PSAT1: variants seen among roughly 807,000 people sequenced by gnomAD.
The protein encoded by PSAT1 is phosphoserine aminotransferase.
In PSAT1, 41 loss-of-function variants were observed where a neutral mutation model predicts 40.3. That is an observed-to-expected ratio of 1.02 (90% CI 0.79 to 1.32). PSAT1 has a LOEUF of 1.32. PSAT1 is among the 40% of genes most tolerant of loss of function. PSAT1 has a pLI of 0.00. For missense variants in PSAT1, 406 were observed against 455.8 expected (o/e 0.89, Z 0.99); for synonymous variants, 147 against 170.5 (o/e 0.86, Z 1.07).
In PSAT1 at chr9:78,310,920, G is replaced by A. The variant is rs142598611; in HGVS notation, c.740+2337G>A. Among the ~76,000 whole-genome samples the A allele has an allele frequency of 3.4e-3, 512 of 152,192 alleles. 3 individuals are homozygous for A. The highest frequency in any genetic ancestry group is 0.011 in the African/African-American group (452 of 41,542). On this transcript the variant is annotated intron_variant, in intron 6 of 8. Transcript: ENST00000376588. ...ACCGCCGGAATTTTTTTCAATGTTA[G>A]AATTCTGGTGAAAATTCTGCTGGGT...
Position 78,302,244 on chromosome 9 carries a change from A to C in PSAT1, c.191+221A>C, listed in dbSNP as rs140228957. On this transcript the variant is annotated intron_variant, in intron 3 of 8. Transcript: ENST00000376588. ...TGTTTTTATTTTATGTGATATTTCCAAAGATTTGAAATCATTGTATCTAGG... is the reference window on the plus strand; with the variant it reads ...TGTTTTTATTTTATGTGATATTTCCCAAGATTTGAAATCATTGTATCTAGG... 3.3e-5 allele frequency among the ~76,000 whole-genome samples: 5 copies of C among 152,302 alleles called. No homozygotes were observed. In the East Asian group the frequency reaches 7.7e-4, roughly 23 times the overall value.
At chr9:78,299,615 C>A (rs1358618730) in intron 1 of PSAT1, among the ~76,000 whole-genome samples, 2 of 147,742 alleles carry the variant, frequency 1.4e-5, no homozygotes, top group Non-Finnish European at 3.0e-5. Flanking sequence ...CGGGTTCCAG[C>A]GATTCTTCTG....
rs180975225 is a variant in PSAT1 at position 78,319,005 on chromosome 9, C to T, written c.869+1201C>T. Among the ~76,000 whole-genome samples, 404 of 152,178 alleles carry T rather than the reference C, an allele frequency of 2.7e-3. 1 individual carries two copies. Among genetic ancestry groups the T allele is most frequent in the African/African-American group, 8.6e-3 (359 of 41,518 alleles). Reference sequence around the variant, plus strand: ...ACTTCCTGCTGTGTACATGTATGTGCGCCTACACATATACATAAATGCTTA... The same window carrying T: ...ACTTCCTGCTGTGTACATGTATGTGTGCCTACACATATACATAAATGCTTA... On this transcript the variant is annotated intron_variant, in intron 7 of 8. Transcript: ENST00000376588.
Position 78,305,701 on chromosome 9 carries a change from A to G in PSAT1, c.398-613A>G, listed in dbSNP as rs1828171568. Among the ~76,000 whole-genome samples, 3 of 152,162 alleles carry G rather than the reference A, an allele frequency of 2.0e-5. No individual in the cohort carries two copies. The South Asian group carries it at 6.2e-4, about 32-fold the overall frequency. ...CCATTCTGAATCAGTCCCTGTGGCC[A>G]TGCCTGAGTTGCATTCTACCTCTGG... On this transcript the variant is annotated intron_variant, in intron 4 of 8. Transcript: ENST00000376588.
intron 4 of PSAT1, 24 bp downstream of exon 4, chr9:78,304,964 G>A: frequency 6.2e-7 from 1 of 1,607,916 alleles, no homozygotes; most frequent in African/African-American, 1.3e-5. Context: ...GCTGAGCTGG[G>A]TGGTGACGTG....
At chr9:78,306,568 A>G (rs1176611356) in intron 5 of PSAT1, 82 bp downstream of exon 5, 6 of 1,565,766 alleles carry the variant, frequency 3.8e-6, no homozygotes, top group Admixed American at 1.7e-5. Flanking sequence ...GAGCGGGAAG[A>G]ACCATGGGTG....
chr9:78,323,084 G>A (rs890984222), intron 7 of PSAT1, among the ~76,000 whole-genome samples: 4 of 152,274 alleles, frequency 2.6e-5, no homozygotes, highest in Admixed American at 2.6e-4. Flanking sequence ...AAGATGTAAT[G>A]GTGGAAATAT....
rs756187253 is a variant in PSAT1 at position 78,304,752 on chromosome 9, A to G, written c.209A>G (p.Tyr70Cys). 1.9e-6 allele frequency: 3 copies of G among 1,613,894 alleles called. No individual in the cohort carries two copies. In the African/African-American group the frequency reaches 4.0e-5, roughly 22 times the overall value. ...CTGCCCAGAGCTGTTCCAGACAACT[A>G]TAAGGTGATTTTTCTGCAAGGAGGT... ...VRELLAVPDN[Y>C]KVIFLQGGGC... is the part of the protein sequence containing the mutation. Residue 70 changes from tyrosine (Y) to cysteine (C), a missense_variant, in exon 4 of 9, where the codon TAT (tyrosine) becomes TGT (cysteine). By Grantham distance (194) the Tyr-to-Cys change is radical. Transcript: ENST00000376588.
At chr9:78,321,789 G>A (rs866321129) in intron 7 of PSAT1, among the ~76,000 whole-genome samples, 13 of 152,308 alleles carry the variant, frequency 8.5e-5, no homozygotes, top group Middle Eastern at 3.4e-3. Context: ...ACGGTGGTGC[G>A]TGTGACCTCG....
At chr9:78,299,085 AACTGTGATTGTCCC>A (rs1828067744) in intron 1 of PSAT1, among the ~76,000 whole-genome samples, 2 of 141,400 alleles carry the variant, frequency 1.4e-5, no homozygotes, top group Non-Finnish European at 3.0e-5. Flanking sequence ...GGCTGTAGTG[AACTGTGATTGTCCC>A]ACTGCATTCC....
At chr9:78,298,176 AC>A in intron 1 of PSAT1, 1 of 456,636 alleles carries the variant, frequency 2.2e-6, no homozygotes, top group Non-Finnish European at 2.9e-6. Context: ...CCCCCGCCAA[AC>A]CCACCGTCCC....
intron 7 of PSAT1, among the ~76,000 whole-genome samples, chr9:78,324,587 C>G (rs545633171): frequency 1.9e-4 from 29 of 152,344 alleles, no homozygotes; most frequent in Admixed American, 3.9e-4. Context: ...GGGGCTAGAT[C>G]CAGCCCACAG....
At chr9:78,328,229 C>T (rs767415301) in intron 8 of PSAT1, 41 bp downstream of exon 8, 1 of 1,613,018 alleles carries the variant, frequency 6.2e-7, no homozygotes, top group Non-Finnish European at 8.5e-7. Flanking sequence ...AAAGAATTAG[C>T]TTAGTTTTTC....
chr9:78,327,399 AC>A (rs1461144386), intron 7 of PSAT1, among the ~76,000 whole-genome samples: 1 of 152,146 alleles, frequency 6.6e-6, no homozygotes, highest in East Asian at 1.9e-4. Flanking sequence ...AAGATGGAAA[AC>A]TAGATTCCAC....
chr9:78,297,283 G>C lies in PSAT1; in HGVS notation c.60+13G>C, dbSNP rs1232479270. The C allele has an allele frequency of 6.3e-7, 1 of 1,594,534 alleles. No homozygotes were observed. The highest frequency in any genetic ancestry group is 1.7e-5 in the Admixed American group (1 of 58,838). ...GCTGCCGCACTCAGTAAGTCCCCGC[G>C]AGCGGGCGCCGGGAGTGAGGTTCAG... On this transcript the variant is annotated intron_variant, in intron 1 of 8. Coordinates refer to ENST00000376588, the MANE Select transcript of PSAT1 (RefSeq NM_058179.4).
chr9:78,328,724 G>A (rs1828538158), intron 8 of PSAT1, among the ~76,000 whole-genome samples: 8 of 152,104 alleles, frequency 5.3e-5, no homozygotes, highest in Admixed American at 5.2e-4. Flanking sequence ...CCCACATCTT[G>A]CTTGCTTTCT....
chr9:78,321,558 C>T (rs981910042), intron 7 of PSAT1, among the ~76,000 whole-genome samples: 1 of 152,126 alleles, frequency 6.6e-6, no homozygotes, highest in Non-Finnish European at 1.5e-5. Flanking sequence ...TTCCATGCCC[C>T]CTGACTCGTA....
chr9:78,320,206 TATCCACCCGCCCATTCATTC>T (rs1828406903), intron 7 of PSAT1, among the ~76,000 whole-genome samples: 1 of 146,842 alleles, frequency 6.8e-6, no homozygotes, highest in African/African-American at 2.5e-5. Flanking sequence ...TCCACCCATC[TATCCACCCGCCCATTCATTC>T]ACCCATCCAC....
At chr9:78,321,273 G>A (rs1828425980) in intron 7 of PSAT1, among the ~76,000 whole-genome samples, 2 of 152,150 alleles carry the variant, frequency 1.3e-5, no homozygotes, top group Admixed American at 1.3e-4. Flanking sequence ...CGTCATCCCA[G>A]GCACTTGGTG....
Sources: allele counts gnomAD v4.1 joint callset (sites outside exome capture counted in the v4.1 genomes callset), GRCh38; gene constraint gnomAD v4.1.1; transcripts MANE v1.5; gene names NCBI Gene and HGNC (gene_info 2026-07-23, HGNC 2026-07-21).